The following TMEM201 variants were observed in gnomAD, a reference collection of about 807,000 sequenced individuals.
The protein encoded by TMEM201 is transmembrane protein 201, also known as RP13-15M17.2.
TMEM201 carries 26 observed loss-of-function variants against 63.4 expected under a neutral mutation model. That is an observed-to-expected ratio of 0.41 (90% CI 0.30 to 0.57). The LOEUF (loss-of-function observed/expected upper bound fraction) is 0.57. Among genes scored for constraint, TMEM201 ranks in the 20% least tolerant of loss-of-function variants. TMEM201 has a pLI of 0.29. For synonymous variants in TMEM201, 417 were observed against 421.6 expected, an observed-to-expected ratio of 0.99 and a Z score of 0.14; for missense variants, 794 against 917.7, an observed-to-expected ratio of 0.87 and a Z score of 1.74.
intron 9 of TMEM201, 60 bp from the exon 10 acceptor site, chr1:9,611,693 C>A: frequency 6.5e-7 from 1 of 1,545,788 alleles, no homozygotes; most frequent in Non-Finnish European, 8.7e-7. Flanking sequence ...ACAGCTGCCC[C>A]GCGTCTGTCC....
rs556544258 is a variant in TMEM201, at chr1:9,603,187, C to T, written c.1160+915C>T. The T allele has an allele frequency of 1.8e-5, 18 of 985,538 alleles. 1 individual carries two copies. In the South Asian group the frequency reaches 2.8e-4, roughly 15 times the overall value. 61.0% of individuals were successfully genotyped at this position (985,538 alleles called of 1,614,324 possible). A position where few individuals can be genotyped will look rare whatever the true frequency, so the allele number is the denominator to read the frequency against. ...CATGGCCCAGCGCCACTCTGTCCTCCGACTCAGGTGAGGGGGCAGCCCACA... is the reference window on the plus strand; with the variant it reads ...CATGGCCCAGCGCCACTCTGTCCTCTGACTCAGGTGAGGGGGCAGCCCACA... On this transcript the variant is annotated intron_variant, in intron 6 of 10. Transcript: ENST00000340381. The surrounding 1 kb of genome is among the most constrained non-coding windows in gnomAD (Gnocchi z 4.5).
At chr1:9,599,097 T>C (rs1198652994) in intron 4 of TMEM201, among the ~76,000 whole-genome samples, 3 of 148,712 alleles carry the variant, frequency 2.0e-5, no homozygotes, top group African/African-American at 5.0e-5. Flanking sequence ...CCCGCCATCA[T>C]GCCCAGTTAA....
In TMEM201 at chr1:9,607,548, C is replaced by T. The variant is rs1644263559; in HGVS notation, c.1161-9C>T. Reference sequence around the variant, plus strand: ...CTCTTCTTGTCCCGTGCCTGACGGGCCCTTGCAGGTTCTTCCCAGGAGACT... The same window carrying T: ...CTCTTCTTGTCCCGTGCCTGACGGGTCCTTGCAGGTTCTTCCCAGGAGACT... On this transcript the variant is annotated splice_polypyrimidine_tract_variant and intron_variant, in intron 6 of 10. Coordinates refer to ENST00000340381, the MANE Select transcript of TMEM201 (RefSeq NM_001130924.3). This position sits in a 1 kb window ranked among gnomAD's most constrained non-coding sequence, Gnocchi z 5.4. The T allele has an allele frequency of 1.3e-6, 2 of 1,542,548 alleles. No homozygotes were observed. Among genetic ancestry groups the T allele is most frequent in the Admixed American group, 4.0e-5 (2 of 50,554 alleles).
chr1:9,595,040 G>A (rs1643991456), intron 1 of TMEM201, among the ~76,000 whole-genome samples: 1 of 152,204 alleles, frequency 6.6e-6, no homozygotes, highest in Non-Finnish European at 1.5e-5. Context: ...GAGCAGCAAA[G>A]CCGGGGCCCC....
intron 4 of TMEM201, among the ~76,000 whole-genome samples, chr1:9,600,553 G>A (rs1316024486): frequency 6.6e-6 from 1 of 152,198 alleles, no homozygotes; most frequent in East Asian, 1.9e-4. Context: ...CACCCTGGAT[G>A]ACATGAAGGG....
In TMEM201 at chr1:9,610,910, G is replaced by A; in HGVS notation, c.1765+105G>A. The A allele has an allele frequency of 6.7e-7, 1 of 1,492,174 alleles. No homozygotes were observed. 92.4% of individuals were successfully genotyped at this position (1,492,174 alleles called of 1,614,324 possible). ...CTCATCCTTGCTCTGACTCCGGTGT[G>A]CGCCTTCCCACCCTGGAGCTCTAGG... On this transcript the variant is annotated intron_variant, in intron 9 of 10. Transcript: ENST00000340381. The surrounding 1 kb of genome is among the most constrained non-coding windows in gnomAD (Gnocchi z 4.9).
chr1:9,600,970 T>C, intron 4 of TMEM201, 135 bp from the exon 5 acceptor site: 1 of 691,936 alleles, frequency 1.4e-6, no homozygotes, highest in Admixed American at 3.0e-5. Context: ...TGGAACTGAG[T>C]GGTGAGTTTT....
At chr1:9,595,521 G>T (rs1018214495) in intron 1 of TMEM201, among the ~76,000 whole-genome samples, 3 of 152,234 alleles carry the variant, frequency 2.0e-5, no homozygotes, top group South Asian at 2.1e-4. Context: ...GGCCCCTGTT[G>T]TGCTCCATGT....
Position 9,598,596 on chromosome 1 carries a change from C to G in TMEM201, c.577C>G (p.Arg193Gly). Residue 193 changes from arginine (R) to glycine (G), a missense_variant, in exon 4 of 11, where the codon CGC becomes GGC. Physicochemically the swap from Arg to Gly is moderately radical, Grantham distance 125. Transcript: ENST00000340381. Reference protein sequence around the residue: ...RALLLSHQFKRREADQTHAQN... With the variant: ...RALLLSHQFKGREADQTHAQN... ...CCTGTTGCTCAGCCACCAGTTCAAG[C>G]GCCGGGAGGCCGACCAGACCCACGC... 1 of 1,613,334 alleles carries G rather than the reference C, an allele frequency of 6.2e-7. No homozygotes were observed.
chr1:9,589,271 A>G (rs2100434045), intron 1 of TMEM201, among the ~76,000 whole-genome samples: 1 of 150,876 alleles, frequency 6.6e-6, no homozygotes, highest in South Asian at 2.1e-4. Context: ...GGCGCGGGCG[A>G]GAGCGCCGCG....
In TMEM201 at chr1:9,596,964, G is replaced by T; in HGVS notation, c.340G>T (p.Val114Leu). 1 of 1,613,130 alleles carries T rather than the reference G, an allele frequency of 6.2e-7. No homozygotes were observed. The highest frequency in any genetic ancestry group is 1.1e-5 in the South Asian group (1 of 91,072). Residue 114 changes from valine to leucine, a missense_variant, in exon 3 of 11, where the codon GTG becomes TTG. Transcript: ENST00000340381. ...CGACCCTTCGCAGCCGCAGCAGTGG[G>T]TGAGCAGCCAAGTCCTGCTGTGCAA... Reference protein sequence around the residue: ...LRDPSQPQQWVSSQVLLCKRC... With the variant: ...LRDPSQPQQWLSSQVLLCKRC...
At chr1:9,596,568 G>A (rs1644023930) in intron 2 of TMEM201, among the ~76,000 whole-genome samples, 1 of 152,200 alleles carries the variant, frequency 6.6e-6, no homozygotes, top group South Asian at 2.1e-4. Flanking sequence ...AGTTCCGAGA[G>A]GGTAGGGCTC....
chr1:9,589,416 A>G (rs1429272682), intron 1 of TMEM201, among the ~76,000 whole-genome samples: 1 of 152,192 alleles, frequency 6.6e-6, no homozygotes, highest in Admixed American at 6.5e-5. Context: ...GCTGCTCGGC[A>G]TGTGACGTCC....
At chr1:9,598,335 C>G in intron 3 of TMEM201, 114 bp from the exon 4 acceptor site, 4 of 1,304,276 alleles carry the variant, frequency 3.1e-6, no homozygotes, top group Non-Finnish European at 4.3e-6. Context: ...TTGACTTGCC[C>G]CCGGTCATCC....
intron 10 of TMEM201, among the ~76,000 whole-genome samples, chr1:9,612,594 C>T (rs1334515255): frequency 1.3e-5 from 2 of 152,246 alleles, no homozygotes; most frequent in Non-Finnish European, 2.9e-5. Context: ...CAGGCTGCGG[C>T]ATGCAGCAGG....
At chr1:9,598,146 G>A (rs747826520) in intron 3 of TMEM201, among the ~76,000 whole-genome samples, 1 of 152,220 alleles carries the variant, frequency 6.6e-6, no homozygotes, top group Non-Finnish European at 1.5e-5. Context: ...CTCTGCATCT[G>A]GGGAGCAGAC....
Position 9,604,099 on chromosome 1 carries a change from G to A in TMEM201, c.1160+1827G>A, listed in dbSNP as rs981539346. The A allele has an allele frequency of 3.9e-5, 38 of 985,328 alleles. No individual in the cohort carries two copies. Among genetic ancestry groups the A allele is most frequent in the Non-Finnish European group, 4.6e-5 (38 of 829,958 alleles). 61.0% of individuals were successfully genotyped at this position (985,328 alleles called of 1,614,324 possible). On this transcript the variant is annotated intron_variant, in intron 6 of 10. Coordinates refer to ENST00000340381, the MANE Select transcript of TMEM201 (RefSeq NM_001130924.3). The surrounding 1 kb of genome is among the most constrained non-coding windows in gnomAD (Gnocchi z 4.1). The stretch of plus-strand genomic sequence containing the variant: ...GAAGGACGTGGTGGAGCCAGGACGG[G>A]AAAGCGTCCTGTCGGCTGGCCATGC...
chr1:9,593,393 G>T (rs1329642505), intron 1 of TMEM201, among the ~76,000 whole-genome samples: 4 of 152,182 alleles, frequency 2.6e-5, no homozygotes, highest in Non-Finnish European at 5.9e-5. Context: ...TGTGGGAGAG[G>T]ACCCCCTGGC....
At chr1:9,601,524 G>A (rs879114456) in intron 5 of TMEM201, 70 bp downstream of exon 5, 2 of 1,436,032 alleles carry the variant, frequency 1.4e-6, no homozygotes, top group Non-Finnish European at 1.9e-6. Context: ...CTAGGGCGGG[G>A]GCCAAGAGAC....
Sources: allele counts gnomAD v4.1 joint callset (sites outside exome capture counted in the v4.1 genomes callset), GRCh38; gene constraint gnomAD v4.1.1; non-coding constraint Gnocchi (gnomAD v3.1); transcripts MANE v1.5; gene names NCBI Gene and HGNC (gene_info 2026-07-23, HGNC 2026-07-21).